Variants in SLC4A8 observed in about 807,000 individuals in gnomAD.
The protein encoded by SLC4A8 is solute carrier family 4 member 8.
A neutral mutation model predicts 125.0 loss-of-function variants in SLC4A8; 40 were observed. The observed-to-expected ratio is 0.32, with a 90% CI of 0.25 to 0.42. The LOEUF (loss-of-function observed/expected upper bound fraction) is 0.42, where lower values mean the gene tolerates loss of function less well. Ranked by LOEUF, SLC4A8 falls within the 10% of genes least tolerant of loss-of-function variation. The pLI, the probability that SLC4A8 is intolerant of heterozygous loss-of-function variation, is 1.00. For synonymous variants in SLC4A8, 456 were observed against 476.0 expected (o/e 0.96, Z 0.55); for missense variants, 863 against 1,355.1 (o/e 0.64, Z 5.70).
rs1938371880 is a variant in SLC4A8 at position 51,511,708 on chromosome 12, T to G, written c.*4270T>G. ...CTGGCCTCAAAATCTTTAAGGAAGTTATTTATCGTCACAAGTGTTGTCATC... is the reference window on the plus strand; with the variant it reads ...CTGGCCTCAAAATCTTTAAGGAAGTGATTTATCGTCACAAGTGTTGTCATC... On this transcript the variant is annotated 3_prime_UTR_variant, in exon 25 of 25. Transcript: ENST00000453097. 1 of 152,164 alleles carries G rather than the reference T, an allele frequency of 6.6e-6. No homozygotes were observed. The highest frequency in any genetic ancestry group is 1.5e-5 in the Non-Finnish European group (1 of 68,030). 9.4% of individuals were successfully genotyped at this position (152,164 alleles called of 1,614,324 possible).
intron 6 of SLC4A8, among the ~76,000 whole-genome samples, chr12:51,457,954 C>T (rs186981154): frequency 1.4e-4 from 21 of 152,296 alleles, no homozygotes; most frequent in African/African-American, 4.6e-4. Flanking sequence ...CTTTACCACT[C>T]ACAAAATGTA....
At chr12:51,424,050 A>AAAC (rs1948867668), upstream of SLC4A8, among the ~76,000 whole-genome samples, 2 of 69,834 alleles carry the variant, frequency 2.9e-5, no homozygotes, top group African/African-American at 5.8e-5. Flanking sequence ...AAAAAAAAAA[A>AAAC]AAACAAAAAA....
At chr12:51,457,182 C>A (rs1950174794) in intron 5 of SLC4A8, among the ~76,000 whole-genome samples, 169 bp from the exon 6 acceptor site, 1 of 152,160 alleles carries the variant, frequency 6.6e-6, no homozygotes, top group Admixed American at 6.5e-5. Context: ...TTTTCACAGT[C>A]ACTATCATCA....
At chr12:51,419,311 C>T (rs1046402441) in intron 1 of SLC4A8, among the ~76,000 whole-genome samples, 2 of 152,178 alleles carry the variant, frequency 1.3e-5, no homozygotes, top group African/African-American at 4.8e-5. Context: ...CACCTTAAAG[C>T]TGTCCCAGGC....
rs532347202 is a variant in SLC4A8 at position 51,397,698 on chromosome 12, A to C, written c.-112+6210A>C. Among the ~76,000 whole-genome samples the C allele has an allele frequency of 4.2e-4, 63 of 151,786 alleles. 1 individual carries two copies. The highest frequency in any genetic ancestry group is 6.8e-4 in the Non-Finnish European group (46 of 67,888). ...CTATGCATATATGATTTATATGTACATATAAATTTCATCAATTCTAAGGTG... is the reference window on the plus strand; with the variant it reads ...CTATGCATATATGATTTATATGTACCTATAAATTTCATCAATTCTAAGGTG... On this transcript the variant is annotated intron_variant, in intron 1 of 24. Transcript: ENST00000358657.
At chr12:51,484,431 A>ACGTG (rs1951112008) in intron 16 of SLC4A8, among the ~76,000 whole-genome samples, 1 of 152,228 alleles carries the variant, frequency 6.6e-6, no homozygotes, top group Non-Finnish European at 1.5e-5. Context: ...CCTGGGATGT[A>ACGTG]CGTGCCGTAG....
chr12:51,467,618 G>A (rs536484396), intron 11 of SLC4A8, among the ~76,000 whole-genome samples: 11 of 152,230 alleles, frequency 7.2e-5, no homozygotes, highest in Middle Eastern at 3.4e-3. Flanking sequence ...GCCTCCTTCC[G>A]TGAGAGAGTA....
chr12:51,471,670 CAA>C (rs1950704664), intron 14 of SLC4A8, 138 bp downstream of exon 14: 1 of 950,978 alleles, frequency 1.1e-6, no homozygotes, highest in Non-Finnish European at 1.6e-6. Context: ...CAGATACAGA[CAA>C]GGAGTATTGG....
chr12:51,414,056 G>A (rs555119393), intron 1 of SLC4A8, among the ~76,000 whole-genome samples: 13 of 152,008 alleles, frequency 8.6e-5, no homozygotes, highest in Non-Finnish European at 1.2e-4. Flanking sequence ...TCCATGAGCA[G>A]GAGATGTCTT....
At chr12:51,469,529 T>G in intron 11 of SLC4A8, 85 bp from the exon 12 acceptor site, 29 of 1,228,068 alleles carry the variant, frequency 2.4e-5, no homozygotes, top group Non-Finnish European at 3.1e-5. Context: ...ACAGAGCACA[T>G]TTGAAATGCT....
intron 1 of SLC4A8, chr12:51,403,219 A>G (rs1365716520): frequency 2.2e-6 from 1 of 456,930 alleles, no homozygotes; most frequent in Admixed American, 2.3e-5. Flanking sequence ...CGCCGGGGAG[A>G]CCCAGGATAC....
chr12:51,476,460 G>A (rs1255547267), intron 16 of SLC4A8, among the ~76,000 whole-genome samples: 2 of 151,614 alleles, frequency 1.3e-5, no homozygotes, highest in South Asian at 2.1e-4. Context: ...CAGCCTGGGC[G>A]ACAGAGTGAG....
intron 10 of SLC4A8, 56 bp from the exon 11 acceptor site, chr12:51,463,558 A>AC (rs1182052069): frequency 3.7e-6 from 5 of 1,362,378 alleles, no homozygotes; most frequent in Non-Finnish European, 5.2e-6. Flanking sequence ...CCCTGCTGAT[A>AC]GCAGGACGAA....
chr12:51,481,791 A>G (rs1418456119), intron 16 of SLC4A8, among the ~76,000 whole-genome samples: 1 of 144,382 alleles, frequency 6.9e-6, no homozygotes, highest in Non-Finnish European at 1.5e-5. Flanking sequence ...AAGTATATAT[A>G]AAAAAAAAAA....
intron 2 of SLC4A8, among the ~76,000 whole-genome samples, chr12:51,447,391 C>T (rs754028430): frequency 1.3e-5 from 2 of 151,940 alleles, no homozygotes; most frequent in Non-Finnish European, 2.9e-5. Context: ...TGTGCCTGGC[C>T]TGGCACTGGG....
At chr12:51,413,367 C>G (rs1216382542) in intron 1 of SLC4A8, among the ~76,000 whole-genome samples, 3 of 152,140 alleles carry the variant, frequency 2.0e-5, no homozygotes, top group Non-Finnish European at 4.4e-5. Context: ...TACAGGTTGT[C>G]TCTTTACTCT....
Position 51,458,553 on chromosome 12 carries a change from A to G in SLC4A8, c.764-6A>G. 1 of 1,609,012 alleles carries G rather than the reference A, an allele frequency of 6.2e-7. No individual in the cohort carries two copies. The highest frequency in any genetic ancestry group is 1.7e-4 in the Middle Eastern group (1 of 6,046). On this transcript the variant is annotated splice_region_variant and splice_polypyrimidine_tract_variant and intron_variant, in intron 6 of 24. Transcript: ENST00000453097. ...CTCAGGATTTTGTTTTATTTTCTCC[A>G]AATAGGTCAAACCGTGTCTCCTCAG...
chr12:51,398,583 A>G (rs1290875869), intron 1 of SLC4A8, among the ~76,000 whole-genome samples: 1 of 152,264 alleles, frequency 6.6e-6, no homozygotes, highest in Non-Finnish European at 1.5e-5. Flanking sequence ...GAAGAAACAT[A>G]TGCACATTTA....
intron 22 of SLC4A8, among the ~76,000 whole-genome samples, chr12:51,501,327 TC>T (rs1446266915): frequency 6.6e-6 from 1 of 152,108 alleles, no homozygotes; most frequent in Non-Finnish European, 1.5e-5. Context: ...CCTTTTGGAG[TC>T]CCCAGTGTTT....
Sources: allele counts gnomAD v4.1 joint callset (sites outside exome capture counted in the v4.1 genomes callset), GRCh38; gene constraint gnomAD v4.1.1; transcripts MANE v1.5; gene names NCBI Gene and HGNC (gene_info 2026-07-23, HGNC 2026-07-21).